The following GRM7 variants were observed in gnomAD, a reference collection of about 807,000 sequenced individuals.
The protein encoded by GRM7 is metabotropic glutamate receptor 7.
GRM7 carries 35 observed loss-of-function variants against 84.5 expected under a neutral mutation model. The observed-to-expected ratio is 0.41, with a 90% CI of 0.32 to 0.55. The LOEUF (loss-of-function observed/expected upper bound fraction) is 0.55. Ranked by LOEUF, GRM7 falls within the 20% of genes least tolerant of loss-of-function variation. The pLI is 0.19. For synonymous variants in GRM7, 487 were observed against 455.1 expected, an observed-to-expected ratio of 1.07 and a Z score of -0.89; for missense variants, 1,003 against 1,194.6, an observed-to-expected ratio of 0.84 and a Z score of 2.36.
intron 2 of GRM7, among the ~76,000 whole-genome samples, chr3:7,265,876 A>G (rs1214893833): frequency 6.6e-6 from 1 of 152,146 alleles, no homozygotes; most frequent in African/African-American, 2.4e-5. Flanking sequence ...TTTTGATGGC[A>G]TAATCTTCTT....
intron 7 of GRM7, among the ~76,000 whole-genome samples, chr3:7,571,654 C>T (rs1694666221): frequency 6.6e-6 from 1 of 152,156 alleles, no homozygotes; most frequent in Admixed American, 6.6e-5. Context: ...TTCTTCTGAG[C>T]CCTCCAAACT....
intron 7 of GRM7, among the ~76,000 whole-genome samples, chr3:7,574,146 T>G (rs1490238097): frequency 6.8e-6 from 1 of 148,136 alleles, no homozygotes; most frequent in Non-Finnish European, 1.5e-5. Flanking sequence ...TTGTGAGCTT[T>G]GTGTCTTAGG....
chr3:7,405,895 G>T (rs957674952), intron 4 of GRM7, among the ~76,000 whole-genome samples: 5 of 151,680 alleles, frequency 3.3e-5, no homozygotes, highest in African/African-American at 1.2e-4. Context: ...TCAACAGTGT[G>T]TTATTACTAT....
In GRM7 at chr3:7,008,117, T is replaced by G. The variant is rs951045164; in HGVS notation, c.520-138335T>G. Among the ~76,000 whole-genome samples, 3 of 6,472 alleles carry G rather than the reference T, an allele frequency of 4.6e-4. No homozygotes were observed. In the Non-Finnish European group the frequency reaches 0.023, roughly 51 times the overall value. The allele number at this position is 6,472 out of a possible 152,430, so 4.2% of individuals were successfully genotyped here. A position where few individuals can be genotyped will look rare whatever the true frequency, so the allele number is the denominator to read the frequency against. On this transcript the variant is annotated intron_variant, in intron 1 of 9. Coordinates refer to ENST00000357716, the MANE Select transcript of GRM7 (RefSeq NM_000844.4). ...CCTGTAGATAACAATGAGAATGCGTTTTTTTTTTAGTGTATTCCTCTATTG... is the reference window on the plus strand; with the variant it reads ...CCTGTAGATAACAATGAGAATGCGTGTTTTTTTTAGTGTATTCCTCTATTG...
intron 5 of GRM7, among the ~76,000 whole-genome samples, chr3:7,417,141 A>T (rs1696197477): frequency 6.6e-6 from 1 of 152,134 alleles, no homozygotes; most frequent in South Asian, 2.1e-4. Flanking sequence ...CAAAAATGGA[A>T]ATAGAAGTGT....
chr3:7,485,678 TC>T (rs1699293736), intron 7 of GRM7, among the ~76,000 whole-genome samples: 1 of 152,230 alleles, frequency 6.6e-6, no homozygotes, highest in African/African-American at 2.4e-5. Flanking sequence ...TTGTGATTCT[TC>T]CAATTGTTGT....
intron 1 of GRM7, among the ~76,000 whole-genome samples, chr3:6,894,322 A>C (rs945139060): frequency 9.9e-5 from 15 of 152,212 alleles, no homozygotes; most frequent in Non-Finnish European, 1.3e-4. Context: ...TGAAATTCAC[A>C]TAAGAAAAAA....
rs751255884 is a variant in GRM7, at chr3:7,298,715, C to A, written c.768C>A (p.Ile256=). The change falls in exon 3 of 10, where the codon ATC becomes ATA. Residue 256 remains isoleucine, a synonymous_variant. Transcript: ENST00000357716. ...TCTGCATTGCCCAGTCCGTGAGAAT[C>A]CCCCAGGAACGCAAAGACAGGACCA... is the stretch of plus-strand genomic sequence containing the variant. The part of the protein sequence containing the change: ...GGLCIAQSVR[I]PQERKDRTID... The A allele has an allele frequency of 2.5e-6, 4 of 1,612,862 alleles. No individual in the cohort carries two copies. Among genetic ancestry groups the A allele is most frequent in the East Asian group, 2.2e-5 (1 of 44,874 alleles).
At chr3:7,719,182 C>A (rs925335783) in intron 9 of GRM7, among the ~76,000 whole-genome samples, 7 of 152,086 alleles carry the variant, frequency 4.6e-5, no homozygotes, top group Non-Finnish European at 8.8e-5. Context: ...AACACAACAA[C>A]CCTGCTTGTC....
At chr3:7,584,619 G>C in intron 8 of GRM7, among the ~76,000 whole-genome samples, 1 of 152,176 alleles carries the variant, frequency 6.6e-6, no homozygotes, top group South Asian at 2.1e-4. Context: ...TGGAAATAGT[G>C]CTTGAGTGCG....
intron 1 of GRM7, among the ~76,000 whole-genome samples, chr3:7,033,709 AG>A (rs1479429123): frequency 2.6e-5 from 4 of 152,186 alleles, no homozygotes; most frequent in African/African-American, 4.8e-5. Context: ...TAAGCAGAAC[AG>A]GATGGCTAAC....
At chr3:7,310,408 A>G (rs1368244641) in intron 4 of GRM7, among the ~76,000 whole-genome samples, 1 of 152,102 alleles carries the variant, frequency 6.6e-6, no homozygotes, top group Non-Finnish European at 1.5e-5. Context: ...TGAATTCTTT[A>G]TTTTTCCTAA....
chr3:7,713,379 C>T (rs936763066), intron 9 of GRM7, among the ~76,000 whole-genome samples: 11 of 151,802 alleles, frequency 7.2e-5, no homozygotes, highest in African/African-American at 2.2e-4. Flanking sequence ...TCAAGTGATC[C>T]CACCCGCCTC....
intron 7 of GRM7, among the ~76,000 whole-genome samples, chr3:7,550,063 T>C (rs913565378): frequency 6.6e-6 from 1 of 152,050 alleles, no homozygotes; most frequent in African/African-American, 2.4e-5. Flanking sequence ...TTACATAAAG[T>C]ATAGTGTAAT....
At chr3:7,502,839 T>G (rs1181444709) in intron 7 of GRM7, among the ~76,000 whole-genome samples, 2 of 152,200 alleles carry the variant, frequency 1.3e-5, no homozygotes, top group Non-Finnish European at 2.9e-5. Flanking sequence ...GTTTGCATAT[T>G]CATCAACATC....
At chr3:7,475,446 T>C (rs1309086160) in intron 7 of GRM7, among the ~76,000 whole-genome samples, 3 of 152,216 alleles carry the variant, frequency 2.0e-5, no homozygotes, top group Non-Finnish European at 2.9e-5. Context: ...TTCGTGTGCA[T>C]ATTTCCTGAT....
At chr3:6,932,432 G>T (rs1311397842) in intron 1 of GRM7, among the ~76,000 whole-genome samples, 1 of 152,064 alleles carries the variant, frequency 6.6e-6, no homozygotes, top group Non-Finnish European at 1.5e-5. Flanking sequence ...AGCAAAAAAT[G>T]GCCCAAGCAT....
In GRM7 at chr3:7,020,010, G is replaced by T. The variant is rs573185753; in HGVS notation, c.520-126442G>T. 5.8e-4 allele frequency among the ~76,000 whole-genome samples: 88 copies of T among 152,160 alleles called. 1 individual carries two copies. Among genetic ancestry groups the T allele is most frequent in the African/African-American group, 2.1e-3 (86 of 41,512 alleles). On this transcript the variant is annotated intron_variant, in intron 1 of 9. Transcript: ENST00000357716. ...TCAAGCTACAGGCACATGCCACCAC[G>T]CCCAGCTAATTTTTGTACTATTAGA...
rs1179092341 is a variant in GRM7 at position 6,862,556 on chromosome 3, C to A, written c.519+649C>A. 6.6e-6 allele frequency among the ~76,000 whole-genome samples: 1 copy of A among 152,158 alleles called. No individual in the cohort carries two copies. The highest frequency in any genetic ancestry group is 2.1e-4 in the South Asian group (1 of 4,824). On this transcript the variant is annotated intron_variant, in intron 1 of 9. Coordinates refer to ENST00000357716, the MANE Select transcript of GRM7 (RefSeq NM_000844.4). The surrounding 1 kb of genome is among the most constrained non-coding windows in gnomAD (Gnocchi z 5.2). ...GGAGAGATGCTGCCCGCAGACGTGA[C>A]CCCCGGTTGGTTTGCTCCGGGCAAT...
Sources: gnomAD v4.1 joint callset for allele counts (sites outside exome capture counted in the v4.1 genomes callset) on GRCh38, gnomAD v4.1.1 for gene constraint, Gnocchi (gnomAD v3.1) non-coding constraint, MANE v1.5 for transcripts, NCBI Gene and HGNC (gene_info 2026-07-23, HGNC 2026-07-21) for gene names.